CORIN: variants seen among roughly 807,000 people sequenced by gnomAD.
CORIN encodes the protein atrial natriuretic peptide-converting enzyme.
CORIN carries 117 observed loss-of-function variants against 125.3 expected under a neutral mutation model. The ratio of observed to expected loss-of-function variants is 0.93; its 90% CI spans 0.80 to 1.09. The LOEUF (loss-of-function observed/expected upper bound fraction) is 1.09, where lower values mean the gene tolerates loss of function less well. Among genes scored for constraint, CORIN ranks in the 50% least tolerant of loss-of-function variants. The pLI is 0.00. For missense variants in CORIN, 1,253 were observed against 1,306.7 expected (o/e 0.96, Z 0.63); for synonymous variants, 450 against 466.4 (o/e 0.96, Z 0.45).
intron 19 of CORIN, among the ~76,000 whole-genome samples, chr4:47,622,895 G>T (rs1722378824): frequency 6.6e-6 from 1 of 151,978 alleles, no homozygotes; most frequent in South Asian, 2.1e-4. Flanking sequence ...GGTTTGGTTT[G>T]GTTTGGATGG....
Position 47,633,994 on chromosome 4 carries a change from T to TA in CORIN, c.2199-7474_2199-7473insT, listed in dbSNP as rs1166992259. ...ATTACAAGATAAATTAATTCAAAAT[T>TA]CAAAAAAAATTAAACAAATATTGAA... On this transcript the variant is annotated intron_variant, in intron 16 of 21. Coordinates refer to ENST00000273857, the MANE Select transcript of CORIN (RefSeq NM_006587.4). Among the ~76,000 whole-genome samples the TA allele has an allele frequency of 9.0e-4, 137 of 152,030 alleles. 1 individual carries two copies. The highest frequency in any genetic ancestry group is 1.1e-3 in the Non-Finnish European group (74 of 67,968).
chr4:47,796,739 C>T (rs528991272), intron 2 of CORIN, among the ~76,000 whole-genome samples: 139 of 152,036 alleles, frequency 9.1e-4, no homozygotes, highest in African/African-American at 3.2e-3. Context: ...GCCAATCATA[C>T]CTCATTAAAA....
intron 4 of CORIN, among the ~76,000 whole-genome samples, chr4:47,753,038 G>A (rs753758142): frequency 6.6e-6 from 1 of 152,132 alleles, no homozygotes; most frequent in Non-Finnish European, 1.5e-5. Context: ...TTCAATGTAG[G>A]TTCTTTCTAT....
chr4:47,726,494 C>A (rs1727604468), intron 5 of CORIN, among the ~76,000 whole-genome samples: 1 of 151,964 alleles, frequency 6.6e-6, no homozygotes, highest in South Asian at 2.1e-4. Context: ...CTAGAAAAGC[C>A]AAACCAGAGA....
At chr4:47,724,137 A>ACC (rs1727482990) in intron 5 of CORIN, among the ~76,000 whole-genome samples, 1 of 152,124 alleles carries the variant, frequency 6.6e-6, no homozygotes, top group Non-Finnish European at 1.5e-5. Context: ...TAATAACCAT[A>ACC]CTCCATGAAG....
At chr4:47,683,874 G>T in intron 6 of CORIN, 36 bp from the exon 7 acceptor site, 1 of 1,474,586 alleles carries the variant, frequency 6.8e-7, no homozygotes, top group Non-Finnish European at 9.4e-7. Flanking sequence ...TGTCATCAGA[G>T]CCATACAGAA....
chr4:47,673,866 G>A (rs113449227), intron 10 of CORIN, among the ~76,000 whole-genome samples: 4 of 152,258 alleles, frequency 2.6e-5, no homozygotes, highest in Non-Finnish European at 5.9e-5. Flanking sequence ...AGCTACTGTG[G>A]AGGCTGAGGC....
intron 1 of CORIN, among the ~76,000 whole-genome samples, chr4:47,816,893 T>C (rs1732297526): frequency 6.6e-6 from 1 of 151,878 alleles, no homozygotes; most frequent in South Asian, 2.1e-4. Flanking sequence ...AACAAATAGC[T>C]CCTACTTTAT....
intron 3 of CORIN, among the ~76,000 whole-genome samples, chr4:47,782,118 C>G (rs1336561468): frequency 6.6e-6 from 1 of 152,134 alleles, no homozygotes; most frequent in African/African-American, 2.4e-5. Flanking sequence ...GGCGCAGTGG[C>G]TCATGACTGT....
In CORIN at chr4:47,753,279, C is replaced by A. The variant is rs191748075; in HGVS notation, c.618-8696G>T. On this transcript the variant is annotated intron_variant, in intron 4 of 21. Transcript: ENST00000273857. Reference sequence around the variant, plus strand: ...GCAATAAAGATCACAAGGCAAAGGGCAAAGCAAAGATCACAAGGTAAAGGG... The same window carrying A: ...GCAATAAAGATCACAAGGCAAAGGGAAAAGCAAAGATCACAAGGTAAAGGG... 4.2e-3 allele frequency among the ~76,000 whole-genome samples: 643 copies of A among 152,168 alleles called. 2 individuals are homozygous for A. Among genetic ancestry groups the A allele is most frequent in the Middle Eastern group, 0.017 (5 of 294 alleles).
intron 6 of CORIN, among the ~76,000 whole-genome samples, chr4:47,685,997 A>G (rs1725495737): frequency 6.7e-6 from 1 of 149,080 alleles, no homozygotes; most frequent in African/African-American, 2.5e-5. Flanking sequence ...TTTCTCCTCA[A>G]GCAGAAGCCT....
At chr4:47,679,810 C>T (rs1725180922) in intron 8 of CORIN, 1 of 192,582 alleles carries the variant, frequency 5.2e-6, no homozygotes, top group Non-Finnish European at 1.1e-5. Context: ...AAAGGTTCCC[C>T]ATTCTGTGGG....
chr4:47,744,687 A>T, intron 4 of CORIN, 104 bp from the exon 5 acceptor site: 1 of 1,083,510 alleles, frequency 9.2e-7, no homozygotes, highest in Non-Finnish European at 1.3e-6. Context: ...TATTATCTTA[A>T]TTTATACTTA....
At chr4:47,636,589 T>C (rs1238745241) in intron 16 of CORIN, among the ~76,000 whole-genome samples, 1 of 152,192 alleles carries the variant, frequency 6.6e-6, no homozygotes, top group Non-Finnish European at 1.5e-5. Flanking sequence ...CTTCCTGTGC[T>C]GTTCTCATGA....
intron 6 of CORIN, among the ~76,000 whole-genome samples, chr4:47,687,548 C>T (rs1365213010): frequency 1.3e-5 from 2 of 152,112 alleles, no homozygotes; most frequent in Admixed American, 6.5e-5. Context: ...GCATCTCATA[C>T]GCACACTATT....
intron 5 of CORIN, among the ~76,000 whole-genome samples, chr4:47,734,238 T>C (rs141196004): frequency 1.1e-4 from 17 of 152,228 alleles, no homozygotes; most frequent in African/African-American, 3.1e-4. Flanking sequence ...GAAAGGAGAA[T>C]GGGGTACATA....
At chr4:47,765,189 G>T (rs1025220243) in intron 3 of CORIN, among the ~76,000 whole-genome samples, 1 of 151,690 alleles carries the variant, frequency 6.6e-6, no homozygotes, top group African/African-American at 2.4e-5. Context: ...CGGGCGTTGT[G>T]GGGGGCGTGG....
chr4:47,817,174 A>G (rs1031473811), intron 1 of CORIN, among the ~76,000 whole-genome samples: 5 of 152,090 alleles, frequency 3.3e-5, no homozygotes, highest in Non-Finnish European at 7.4e-5. Flanking sequence ...TCATCACCCT[A>G]CCTGGAACAC....
chr4:47,655,272 C>T (rs1487846923), intron 12 of CORIN, among the ~76,000 whole-genome samples: 2 of 152,054 alleles, frequency 1.3e-5, no homozygotes, highest in African/African-American at 4.8e-5. Context: ...CAGGGAGAAA[C>T]TCCTGCTTGA....
Sources: allele counts gnomAD v4.1 joint callset (sites outside exome capture counted in the v4.1 genomes callset), GRCh38; gene constraint gnomAD v4.1.1; transcripts MANE v1.5; gene names NCBI Gene and HGNC (gene_info 2026-07-23, HGNC 2026-07-21).